The following RGPD2 variants were observed in gnomAD, a reference collection of about 807,000 sequenced individuals.
The protein encoded by RGPD2 is RANBP2-like and GRIP domain-containing protein 2.
A neutral mutation model predicts 36.0 loss-of-function variants in RGPD2; 2 were observed. The observed-to-expected ratio is 0.06, with a 90% CI of 0.02 to 0.17. The LOEUF (loss-of-function observed/expected upper bound fraction) is 0.17, where lower values mean the gene tolerates loss of function less well. RGPD2 is among the 10% of genes least tolerant of loss of function. RGPD2 has a pLI of 1.00. For synonymous variants in RGPD2, 19 were observed against 163.8 expected (o/e 0.12, Z 6.75); for missense variants, 40 against 464.3 (o/e 0.09, Z 8.40).
At chr2:87,876,930 G>A in the RGPD2 span, among the ~76,000 whole-genome samples, 1 of 152,086 alleles carries the variant, frequency 6.6e-6, no homozygotes, top group South Asian at 2.1e-4. Flanking sequence ...AGCTTTTCTT[G>A]TATTGAACAT....
At chr2:87,827,093 GCT>G (rs1243397414), upstream of RGPD2, among the ~76,000 whole-genome samples, 7 of 151,302 alleles carry the variant, frequency 4.6e-5, no homozygotes, top group Admixed American at 1.3e-4. Context: ...TCTCTCTCGT[GCT>G]CTCTTTGTCT....
the RGPD2 span, among the ~76,000 whole-genome samples, chr2:87,986,767 C>A: frequency 6.6e-6 from 1 of 151,242 alleles, no homozygotes; most frequent in Non-Finnish European, 1.5e-5. Context: ...GTAATCCCAG[C>A]TACTCAGGAG....
chr2:87,934,681 C>T, the RGPD2 span, among the ~76,000 whole-genome samples: 4 of 149,916 alleles, frequency 2.7e-5, no homozygotes, highest in East Asian at 7.9e-4. Flanking sequence ...AATTTTTGAC[C>T]TAAAAAGATT....
At chr2:87,922,363 G>T in the RGPD2 span, among the ~76,000 whole-genome samples, 1 of 145,076 alleles carries the variant, frequency 6.9e-6, no homozygotes, top group Non-Finnish European at 1.5e-5. Context: ...ATATTATAAA[G>T]TTCATTACCA....
At chr2:87,842,649 A>G in the RGPD2 span, among the ~76,000 whole-genome samples, 2 of 150,558 alleles carry the variant, frequency 1.3e-5, no homozygotes, top group South Asian at 2.1e-4. Context: ...GGTAATGTAT[A>G]GATTCAATGC....
At chr2:87,912,982 A>G in the RGPD2 span, among the ~76,000 whole-genome samples, 4 of 151,684 alleles carry the variant, frequency 2.6e-5, no homozygotes, top group Non-Finnish European at 5.9e-5. Flanking sequence ...CATTGGGACA[A>G]TTTAATGTGT....
the RGPD2 span, among the ~76,000 whole-genome samples, chr2:87,967,406 C>G: frequency 6.7e-6 from 1 of 148,798 alleles, no homozygotes. Flanking sequence ...GAGACTCCAT[C>G]TCAAAAAAAA....
At chr2:87,847,199 T>C in the RGPD2 span, among the ~76,000 whole-genome samples, 1 of 151,944 alleles carries the variant, frequency 6.6e-6, no homozygotes, top group African/African-American at 2.4e-5. Flanking sequence ...ACTTTGCATG[T>C]TAAGCGTAAA....
At chr2:87,883,732 A>G in the RGPD2 span, among the ~76,000 whole-genome samples, 67 of 152,230 alleles carry the variant, frequency 4.4e-4, no homozygotes, top group African/African-American at 1.5e-3. Context: ...TTAATGACAA[A>G]GTGGTAAGTT....
chr2:87,984,840 A>G, the RGPD2 span, among the ~76,000 whole-genome samples: 2 of 151,414 alleles, frequency 1.3e-5, no homozygotes, highest in East Asian at 1.9e-4. Context: ...TGAGGCAGGA[A>G]AATGGCATGA....
At chr2:87,853,655 C>A in the RGPD2 span, among the ~76,000 whole-genome samples, 1 of 151,050 alleles carries the variant, frequency 6.6e-6, no homozygotes, top group Admixed American at 6.6e-5. Flanking sequence ...TATATAAAAT[C>A]CTGTCCCTTT....
the RGPD2 span, among the ~76,000 whole-genome samples, chr2:87,958,356 G>A: frequency 6.6e-6 from 1 of 151,790 alleles, no homozygotes; most frequent in South Asian, 2.1e-4. Context: ...GTATTAATTA[G>A]CTAACCAGTT....
chr2:87,876,379 C>A, the RGPD2 span, among the ~76,000 whole-genome samples: 1 of 152,188 alleles, frequency 6.6e-6, no homozygotes, highest in South Asian at 2.1e-4. Flanking sequence ...CCATGAATTT[C>A]CCTCTGAACA....
chr2:87,973,427 T>A, the RGPD2 span, among the ~76,000 whole-genome samples: 1 of 134,176 alleles, frequency 7.5e-6, no homozygotes, highest in Non-Finnish European at 1.7e-5. Context: ...CCAGATTCTG[T>A]ACCGCAGGTC....
the RGPD2 span, among the ~76,000 whole-genome samples, chr2:87,897,042 G>A: frequency 3.3e-5 from 5 of 152,300 alleles, no homozygotes; most frequent in African/African-American, 9.6e-5. Context: ...TCTTCCGCAT[G>A]AAAAGCCAGT....
intron 8 of RGPD2, among the ~76,000 whole-genome samples, chr2:87,798,868 G>GA (rs548118046): frequency 2.5e-3 from 179 of 71,776 alleles, no homozygotes; most frequent in African/African-American, 4.7e-3. Context: ...ACTGTCTCAG[G>GA]AAAAAAAAAA....
the RGPD2 span, among the ~76,000 whole-genome samples, chr2:87,977,888 G>T: frequency 6.6e-6 from 1 of 152,092 alleles, no homozygotes; most frequent in African/African-American, 2.4e-5. Context: ...GGCCAAGGCT[G>T]GTGGATCACT....
chr2:87,983,367 A>T, the RGPD2 span, among the ~76,000 whole-genome samples: 1 of 142,214 alleles, frequency 7.0e-6, no homozygotes, highest in Non-Finnish European at 1.5e-5. Context: ...TTCCCATAAG[A>T]TTTTTCTCAA....
chr2:87,978,866 T>C, the RGPD2 span, among the ~76,000 whole-genome samples: 557 of 147,586 alleles, frequency 3.8e-3, 6 homozygotes, highest in East Asian at 0.042. Flanking sequence ...TACAGCCAAC[T>C]ACGATAGCAT....
Sources: gnomAD v4.1 joint callset for allele counts (sites outside exome capture counted in the v4.1 genomes callset) on GRCh38, gnomAD v4.1.1 for gene constraint, MANE v1.5 for transcripts, NCBI Gene and HGNC (gene_info 2026-07-23, HGNC 2026-07-21) for gene names.